Variants in DLG2 observed in about 807,000 individuals in gnomAD.
DLG2 encodes disks large homolog 2.
DLG2 carries 45 observed loss-of-function variants against 132.5 expected under a neutral mutation model. The observed-to-expected ratio is 0.34, with a 90% CI of 0.27 to 0.44. DLG2 has a LOEUF of 0.44. DLG2 is among the 20% of genes least tolerant of loss of function. The pLI, the probability that DLG2 is intolerant of heterozygous loss-of-function variation, is 1.00. For synonymous variants in DLG2, 424 were observed against 419.6 expected, an observed-to-expected ratio of 1.01 and a Z score of -0.13; for missense variants, 1,045 against 1,196.9, an observed-to-expected ratio of 0.87 and a Z score of 1.87.
chr11:85,302,163 T>C (rs1019744163), intron 3 of DLG2, among the ~76,000 whole-genome samples: 3 of 152,216 alleles, frequency 2.0e-5, no homozygotes, highest in African/African-American at 4.8e-5. Context: ...TTTAGGTAAC[T>C]ACAGTTTGTC....
At chr11:85,471,977 C>G (rs1220619964) in intron 3 of DLG2, among the ~76,000 whole-genome samples, 1 of 152,086 alleles carries the variant, frequency 6.6e-6, no homozygotes, top group East Asian at 1.9e-4. Context: ...AGAATAATAT[C>G]TACAAAATTG....
At chr11:84,983,402 A>G (rs648506) in intron 6 of DLG2, among the ~76,000 whole-genome samples, 101,455 of 151,944 alleles carry the variant, frequency 0.67, 34,617 homozygotes, top group East Asian at 0.92. Context: ...CAATCACTAC[A>G]GTTCGGCTCT....
chr11:84,063,567 G>T (rs1271833919), intron 10 of DLG2, among the ~76,000 whole-genome samples: 2 of 152,094 alleles, frequency 1.3e-5, no homozygotes, highest in East Asian at 3.8e-4. Context: ...ATTCCTCAGG[G>T]ATCTAGAACT....
At chr11:83,901,331 G>A (rs1432354362) in intron 15 of DLG2, among the ~76,000 whole-genome samples, 2 of 152,114 alleles carry the variant, frequency 1.3e-5, no homozygotes, top group Non-Finnish European at 2.9e-5. Context: ...AGATTTGGGA[G>A]GGGGTAGGGG....
rs1018699565 is a variant in DLG2 at position 85,572,693 on chromosome 11, CTG to C, written c.40+25962_40+25963del. 1.1e-3 allele frequency among the ~76,000 whole-genome samples: 166 copies of C among 152,318 alleles called. 1 individual carries two copies. The highest frequency in any genetic ancestry group is 3.9e-3 in the African/African-American group (161 of 41,578). On this transcript the variant is annotated intron_variant, in intron 3 of 27. Coordinates refer to ENST00000376104, the MANE Select transcript of DLG2 (RefSeq NM_001142699.3). ...AGAAACATGAGATGAATGCAGGAAACTGCACCCATTTGAACCAAGTAACTGAG... is the reference window on the plus strand; with the variant it reads ...AGAAACATGAGATGAATGCAGGAAACCACCCATTTGAACCAAGTAACTGAG...
At chr11:85,254,862 AT>A (rs1279842057) in intron 4 of DLG2, among the ~76,000 whole-genome samples, 1 of 151,972 alleles carries the variant, frequency 6.6e-6, no homozygotes, top group Non-Finnish European at 1.5e-5. Flanking sequence ...TTAATTAGGC[AT>A]GGTGGCAGGC....
At chr11:84,718,114 G>A (rs1439111496) in intron 6 of DLG2, among the ~76,000 whole-genome samples, 1 of 151,976 alleles carries the variant, frequency 6.6e-6, no homozygotes, top group East Asian at 1.9e-4. Flanking sequence ...GAATCCTTAT[G>A]TCAACCCATC....
chr11:84,682,219 C>G (rs2099732656), intron 6 of DLG2, among the ~76,000 whole-genome samples: 1 of 152,258 alleles, frequency 6.6e-6, no homozygotes, highest in Non-Finnish European at 1.5e-5. Context: ...AGGAGTCAAA[C>G]AAACCAAATT....
intron 19 of DLG2, among the ~76,000 whole-genome samples, chr11:83,592,221 C>G (rs2097200609): frequency 6.6e-6 from 1 of 151,112 alleles, no homozygotes; most frequent in Non-Finnish European, 1.5e-5. Flanking sequence ...CTGGAGGCAT[C>G]ACACTACCTG....
At chr11:83,950,981 T>C (rs538975046) in intron 14 of DLG2, among the ~76,000 whole-genome samples, 60 of 152,124 alleles carry the variant, frequency 3.9e-4, no homozygotes, top group African/African-American at 1.3e-3. Flanking sequence ...AAATATTTGT[T>C]GAATAAATCA....
Position 84,179,737 on chromosome 11 carries a change from T to C in DLG2, c.574-16226A>G, listed in dbSNP as rs73517747. On this transcript the variant is annotated intron_variant, in intron 8 of 27. Coordinates refer to ENST00000376104, the MANE Select transcript of DLG2 (RefSeq NM_001142699.3). Reference sequence around the variant, plus strand: ...GAAATTATTTTACCAGAGCCTAACCTGTCGGGGTTTTACCAGGGCCTAACA... The same window carrying C: ...GAAATTATTTTACCAGAGCCTAACCCGTCGGGGTTTTACCAGGGCCTAACA... 2.3e-3 allele frequency among the ~76,000 whole-genome samples: 353 copies of C among 152,222 alleles called. 1 individual carries two copies. Among genetic ancestry groups the C allele is most frequent in the African/African-American group, 7.9e-3 (329 of 41,544 alleles).
chr11:85,319,082 T>C (rs2080878520), intron 3 of DLG2, among the ~76,000 whole-genome samples: 1 of 151,904 alleles, frequency 6.6e-6, no homozygotes, highest in African/African-American at 2.4e-5. Flanking sequence ...TTCAAATGAC[T>C]CTATCTGTAA....
chr11:84,138,374 C>A (rs2094692906), intron 9 of DLG2, among the ~76,000 whole-genome samples: 1 of 152,172 alleles, frequency 6.6e-6, no homozygotes, highest in African/African-American at 2.4e-5. Context: ...TGCATTTCAA[C>A]TGCATCTGAA....
At chr11:83,637,223 T>C (rs947350260) in intron 18 of DLG2, among the ~76,000 whole-genome samples, 15 of 152,316 alleles carry the variant, frequency 9.8e-5, no homozygotes, top group Middle Eastern at 6.8e-3. Context: ...CATTAAATAT[T>C]AATTCTCTCT....
In DLG2 at chr11:84,498,465, T is replaced by C. The variant is rs143975185; in HGVS notation, c.519+36105A>G. 1.1e-3 allele frequency among the ~76,000 whole-genome samples: 170 copies of C among 152,230 alleles called. 2 individuals are homozygous for C. Among genetic ancestry groups the C allele is most frequent in the African/African-American group, 3.8e-3 (159 of 41,548 alleles). ...CCCCCACCACCAACAACAAAATTCT[T>C]ACCACATTCTAAGGTTCTCTTAAGA... On this transcript the variant is annotated intron_variant, in intron 7 of 27. Transcript: ENST00000376104.
intron 3 of DLG2, among the ~76,000 whole-genome samples, chr11:85,559,098 G>C (rs2077083178): frequency 1.3e-5 from 2 of 151,320 alleles, no homozygotes; most frequent in African/African-American, 4.8e-5. Context: ...ATGGAATATA[G>C]GGTTCCAAAA....
intron 27 of DLG2, chr11:83,461,753 C>T (rs2090072546): frequency 2.2e-6 from 1 of 456,784 alleles, no homozygotes. Flanking sequence ...AGGGGTATCT[C>T]CTGCCCATGG....
At chr11:84,781,446 C>T (rs1247228632) in intron 6 of DLG2, among the ~76,000 whole-genome samples, 2 of 151,888 alleles carry the variant, frequency 1.3e-5, no homozygotes, top group Non-Finnish European at 2.9e-5. Context: ...CAAATATTTA[C>T]TAAGTTTCTA....
chr11:84,961,778 C>T (rs566664435), intron 6 of DLG2, among the ~76,000 whole-genome samples: 2 of 152,248 alleles, frequency 1.3e-5, no homozygotes, highest in African/African-American at 4.8e-5. Flanking sequence ...TCAAGCACTA[C>T]GCAAATGAAT....
Sources: allele counts gnomAD v4.1 joint callset (sites outside exome capture counted in the v4.1 genomes callset), GRCh38; gene constraint gnomAD v4.1.1; transcripts MANE v1.5; gene names NCBI Gene and HGNC (gene_info 2026-07-23, HGNC 2026-07-21).